The following GOLIM4 variants were observed in gnomAD, a reference collection of about 807,000 sequenced individuals.
GOLIM4 encodes the protein 130 kDa golgi-localized phosphoprotein.
A neutral mutation model predicts 107.4 loss-of-function variants in GOLIM4; 71 were observed. The ratio of observed to expected loss-of-function variants is 0.66; its 90% CI spans 0.55 to 0.81. The LOEUF (loss-of-function observed/expected upper bound fraction) is 0.81. GOLIM4 is among the 30% of genes least tolerant of loss of function. The pLI is 0.00. For missense variants in GOLIM4, 830 were observed against 826.1 expected, an observed-to-expected ratio of 1.00 and a Z score of -0.06; for synonymous variants, 327 against 294.8, an observed-to-expected ratio of 1.11 and a Z score of -1.12.
At chr3:168,037,106 G>T in intron 7 of GOLIM4, 112 bp from the exon 8 acceptor site, 1 of 515,066 alleles carries the variant, frequency 1.9e-6, no homozygotes, top group Admixed American at 3.1e-5. Flanking sequence ...ATACAAGTTA[G>T]AAAAACATAC....
At chr3:168,053,115 G>T (rs764884194) in intron 1 of GOLIM4, among the ~76,000 whole-genome samples, 1 of 152,134 alleles carries the variant, frequency 6.6e-6, no homozygotes, top group Non-Finnish European at 1.5e-5. Context: ...GTTTAAAAAC[G>T]TGCCAGCTTC....
intron 1 of GOLIM4, among the ~76,000 whole-genome samples, chr3:168,094,481 A>G (rs1577587529): frequency 6.6e-6 from 1 of 152,330 alleles, no homozygotes; most frequent in South Asian, 2.1e-4. Flanking sequence ...TGTAGTGTGG[A>G]CTTTTCCCAC....
intron 1 of GOLIM4, among the ~76,000 whole-genome samples, chr3:168,074,463 A>G (rs1233432309): frequency 6.6e-5 from 10 of 152,208 alleles, no homozygotes; most frequent in Non-Finnish European, 1.5e-5. Context: ...AGACAAAAAT[A>G]AGGGCAGTTA....
In GOLIM4 at chr3:168,049,864, C is replaced by T. The variant is rs532629199; in HGVS notation, c.188-1499G>A. On this transcript the variant is annotated intron_variant, in intron 1 of 15. Coordinates refer to ENST00000470487, the MANE Select transcript of GOLIM4 (RefSeq NM_014498.5). ...AGCTTCTCCCCACACTGTGTCTTTT[C>T]TTGTCATCCCATATAAAACTTCCAT... Among the ~76,000 whole-genome samples the T allele has an allele frequency of 8.5e-5, 13 of 152,250 alleles. No individual in the cohort carries two copies. In the East Asian group the frequency reaches 2.3e-3, roughly 27 times the overall value.
In GOLIM4 at chr3:168,029,986, T is replaced by C. The variant is rs762371075; in HGVS notation, c.1227A>G (p.Glu409=). The stretch of plus-strand genomic sequence containing the variant: ...CTGCCAGTCTCTGCTGTTCCAACTG[T>C]TCCTCATAGGGTGATTGGAATTTGA... ...PMIKFQSPYE[E]QLEQQRLAVQ... Residue 409 remains glutamate (E), a synonymous_variant, in exon 10 of 16, where the codon GAA becomes GAG. Coordinates refer to ENST00000470487, the MANE Select transcript of GOLIM4 (RefSeq NM_014498.5). 8.7e-6 allele frequency: 14 copies of C among 1,614,006 alleles called. 1 individual carries two copies. The South Asian group carries it at 1.5e-4, about 18-fold the overall frequency.
intron 14 of GOLIM4, among the ~76,000 whole-genome samples, chr3:168,011,476 C>T (rs541807332): frequency 1.4e-3 from 215 of 152,026 alleles, no homozygotes; most frequent in Non-Finnish European, 2.5e-3. Flanking sequence ...GAGGGGCGCC[C>T]GCCATTGCCC....
chr3:168,095,334 T>G lies in GOLIM4; in HGVS notation c.-49A>C, dbSNP rs545867299. The G allele has an allele frequency of 8.4e-6, 13 of 1,550,342 alleles. No homozygotes were observed. Among genetic ancestry groups the G allele is most frequent in the Non-Finnish European group, 8.8e-6 (10 of 1,134,814 alleles). On this transcript the variant is annotated 5_prime_UTR_variant, in exon 1 of 16. Transcript: ENST00000470487. ...CGGCCGCCCCCGCCGTCTCCTCCCC[T>G]TGGTCCGAGCGAGCGTCTCAGCAGC...
intron 1 of GOLIM4, among the ~76,000 whole-genome samples, chr3:168,089,189 T>C (rs1202200448): frequency 6.6e-6 from 1 of 152,268 alleles, no homozygotes; most frequent in Non-Finnish European, 1.5e-5. Context: ...AGAGTATTTT[T>C]GTTCCATATT....
rs747555399 is a variant in GOLIM4 at position 168,010,032 on chromosome 3, GTTTAC to G, written c.*232_*236del. 1 of 354,558 alleles carries G rather than the reference GTTTAC, an allele frequency of 2.8e-6. No homozygotes were observed. Among genetic ancestry groups the G allele is most frequent in the East Asian group, 4.5e-5 (1 of 22,044 alleles). The allele number at this position is 354,558 out of a possible 1,614,324, so 22.0% of individuals were successfully genotyped here. A position where few individuals can be genotyped will look rare whatever the true frequency, so the allele number is the denominator to read the frequency against. On this transcript the variant is annotated 3_prime_UTR_variant, in exon 16 of 16. Coordinates refer to ENST00000470487, the MANE Select transcript of GOLIM4 (RefSeq NM_014498.5). ...AAAAAATTGGGACGTGGGGGCTCAG[GTTTAC>G]TTTATTGTTTTTCTTCTTTTTCATG...
intron 1 of GOLIM4, among the ~76,000 whole-genome samples, chr3:168,092,307 A>G (rs1359369923): frequency 6.6e-6 from 1 of 152,242 alleles, no homozygotes; most frequent in Non-Finnish European, 1.5e-5. Flanking sequence ...TAAGAGGGAT[A>G]GATAAACAGG....
At chr3:168,032,075 C>A (rs1046850960) in intron 9 of GOLIM4, among the ~76,000 whole-genome samples, 3 of 152,104 alleles carry the variant, frequency 2.0e-5, no homozygotes, top group Non-Finnish European at 4.4e-5. Context: ...TAAATAACCA[C>A]CTTGAAGGTG....
chr3:168,060,372 C>T (rs925957180), intron 1 of GOLIM4, among the ~76,000 whole-genome samples: 15 of 152,150 alleles, frequency 9.9e-5, no homozygotes, highest in Non-Finnish European at 1.5e-4. Context: ...GACCAGTGTG[C>T]GTGCTGTGGA....
At chr3:168,051,872 A>C (rs959843671) in intron 1 of GOLIM4, among the ~76,000 whole-genome samples, 1 of 152,202 alleles carries the variant, frequency 6.6e-6, no homozygotes, top group Admixed American at 6.5e-5. Context: ...CAGGCTCAAG[A>C]AAAGAATAAA....
At chr3:168,077,479 C>T (rs865917401) in intron 1 of GOLIM4, among the ~76,000 whole-genome samples, 3 of 152,158 alleles carry the variant, frequency 2.0e-5, no homozygotes, top group African/African-American at 7.2e-5. Flanking sequence ...GACCTGGTGT[C>T]CAGGCCCAGG....
At chr3:168,092,322 CAT>C (rs1721955046) in intron 1 of GOLIM4, among the ~76,000 whole-genome samples, 1 of 152,080 alleles carries the variant, frequency 6.6e-6, no homozygotes, top group Non-Finnish European at 1.5e-5. Context: ...AACAGGCAGA[CAT>C]AGATATTTTT....
chr3:168,011,426 C>T (rs9869383), intron 14 of GOLIM4, among the ~76,000 whole-genome samples: 1 of 152,058 alleles, frequency 6.6e-6, no homozygotes, highest in Non-Finnish European at 1.5e-5. Flanking sequence ...GCCAGCACAG[C>T]AGTCTGAGAT....
chr3:168,090,174 G>C (rs181842585), intron 1 of GOLIM4, among the ~76,000 whole-genome samples: 1 of 152,140 alleles, frequency 6.6e-6, no homozygotes, highest in Admixed American at 6.5e-5. Context: ...AGTGTTAGAG[G>C]AGCCCAATGC....
intron 12 of GOLIM4, 69 bp downstream of exon 12, chr3:168,027,659 G>T: frequency 3.3e-6 from 3 of 905,422 alleles, no homozygotes; most frequent in Non-Finnish European, 1.8e-6. Context: ...CTGGCATCAG[G>T]CAAGTTTTCA....
At chr3:168,060,136 T>C (rs1219512646) in intron 1 of GOLIM4, among the ~76,000 whole-genome samples, 1 of 151,480 alleles carries the variant, frequency 6.6e-6, no homozygotes, top group Non-Finnish European at 1.5e-5. Context: ...GGTCTCACTA[T>C]GTTGCCTAGG....
Sources: allele counts gnomAD v4.1 joint callset (sites outside exome capture counted in the v4.1 genomes callset), GRCh38; gene constraint gnomAD v4.1.1; transcripts MANE v1.5; gene names NCBI Gene and HGNC (gene_info 2026-07-23, HGNC 2026-07-21).